Variants in NIPBL observed in about 807,000 individuals in gnomAD.
The protein encoded by NIPBL is nipped-B-like protein.
In NIPBL, 19 loss-of-function variants were observed where a neutral mutation model predicts 321.8. The ratio of observed to expected loss-of-function variants is 0.06; its 90% confidence interval spans 0.04 to 0.09. The LOEUF is 0.09. Ranked by LOEUF, NIPBL falls within the 10% of genes least tolerant of loss-of-function variation. NIPBL has a pLI of 1.00. For missense variants in NIPBL, 2,210 were observed against 3,327.0 expected, an observed-to-expected ratio of 0.66 and a Z score of 8.26; for synonymous variants, 1,106 against 1,114.1, an observed-to-expected ratio of 0.99 and a Z score of 0.14.
At chr5:36,973,694 C>T (rs190741687) in intron 8 of NIPBL, among the ~76,000 whole-genome samples, 92 of 152,300 alleles carry the variant, frequency 6.0e-4, no homozygotes, top group Admixed American at 1.1e-3. Flanking sequence ...TGGTCTCGAA[C>T]TCCTGACCTC....
At chr5:37,037,050 T>A (rs1443935874) in intron 33 of NIPBL, among the ~76,000 whole-genome samples, 2 of 151,958 alleles carry the variant, frequency 1.3e-5, no homozygotes, top group African/African-American at 4.8e-5. Flanking sequence ...CAATCACAAA[T>A]CTGAAGTTTT....
rs770426138 is a variant in NIPBL at position 36,976,420 on chromosome 5, T to G, written c.1495+18T>G. On this transcript the variant is annotated intron_variant, in intron 9 of 46. Transcript: ENST00000282516. The stretch of plus-strand genomic sequence containing the variant: ...AGATAAAGGTAAAATAATCTCATTA[T>G]TACCACTTCATCATCTGGGCAAATA... 17 of 1,600,722 alleles carry G rather than the reference T, an allele frequency of 1.1e-5. No homozygotes were observed. The highest frequency in any genetic ancestry group is 1.3e-5 in the Non-Finnish European group (15 of 1,179,470).
intron 1 of NIPBL, among the ~76,000 whole-genome samples, chr5:36,914,738 C>A (rs964175186): frequency 6.6e-6 from 1 of 152,104 alleles, no homozygotes; most frequent in Non-Finnish European, 1.5e-5. Context: ...CAGTGGCTTT[C>A]CTCTTATATA....
chr5:36,897,436 T>C (rs1461202928), intron 1 of NIPBL, among the ~76,000 whole-genome samples: 3 of 152,138 alleles, frequency 2.0e-5, no homozygotes, highest in African/African-American at 7.2e-5. Flanking sequence ...TGCTCTTCTT[T>C]CTAGGGACAG....
intron 27 of NIPBL, 97 bp downstream of exon 27, chr5:37,020,974 T>C (rs1749559778): frequency 8.9e-6 from 8 of 894,386 alleles, no homozygotes; most frequent in Non-Finnish European, 1.5e-5. Flanking sequence ...TGAGTACAGA[T>C]ACTTAAAAGA....
chr5:36,930,094 C>CT (rs1202514239), intron 1 of NIPBL, among the ~76,000 whole-genome samples: 2 of 151,836 alleles, frequency 1.3e-5, no homozygotes, highest in Non-Finnish European at 2.9e-5. Flanking sequence ...TTAGGATCAG[C>CT]TTATTTCTAT....
chr5:36,894,542 G>GT (rs1449969667), intron 1 of NIPBL, among the ~76,000 whole-genome samples: 1 of 152,030 alleles, frequency 6.6e-6, no homozygotes. Context: ...TTGATAACTT[G>GT]TTTTGTATTT....
At chr5:36,908,352 T>G (rs1747800215) in intron 1 of NIPBL, among the ~76,000 whole-genome samples, 1 of 152,346 alleles carries the variant, frequency 6.6e-6, no homozygotes, top group East Asian at 1.9e-4. Flanking sequence ...TAAACCACAT[T>G]TTGCATATTA....
At chr5:36,993,983 T>A (rs577271487) in intron 10 of NIPBL, among the ~76,000 whole-genome samples, 28 of 152,232 alleles carry the variant, frequency 1.8e-4, no homozygotes, top group African/African-American at 6.7e-4. Flanking sequence ...AAAACATGAT[T>A]TTCCATCAAA....
Position 36,877,151 on chromosome 5 carries a change from C to T in NIPBL, c.-107C>T, listed in dbSNP as rs902219347. The T allele has an allele frequency of 9.7e-6, 3 of 308,486 alleles. No homozygotes were observed. The highest frequency in any genetic ancestry group is 1.8e-5 in the Non-Finnish European group (3 of 169,728). 19.1% of individuals were successfully genotyped at this position (308,486 alleles called of 1,614,324 possible). On this transcript the variant is annotated 5_prime_UTR_variant, in exon 1 of 47. Coordinates refer to ENST00000282516, the MANE Select transcript of NIPBL (RefSeq NM_133433.4). ...TCTCGCCACAGCGGCCTCGGCCTCC[C>T]CTTGGATTCAGACGCCGATTCGCCC...
At chr5:36,891,178 C>T (rs987190242) in intron 1 of NIPBL, among the ~76,000 whole-genome samples, 3 of 151,938 alleles carry the variant, frequency 2.0e-5, no homozygotes, top group East Asian at 3.9e-4. Flanking sequence ...GGCAGGAGAA[C>T]GGCATGAACC....
intron 43 of NIPBL, among the ~76,000 whole-genome samples, chr5:37,058,418 A>T (rs1439556102): frequency 6.6e-6 from 1 of 152,218 alleles, no homozygotes. Context: ...TAACATTTTC[A>T]TAAAGTACAA....
chr5:37,011,619 T>C (rs1748135253), intron 21 of NIPBL, among the ~76,000 whole-genome samples: 1 of 152,202 alleles, frequency 6.6e-6, no homozygotes. Context: ...TCTTTATTTC[T>C]CCCATCCCAA....
rs1380511888 is a variant in NIPBL at position 37,038,761 on chromosome 5, C to T, written c.6108+23C>T. 3.1e-6 allele frequency: 5 copies of T among 1,609,456 alleles called. No individual in the cohort carries two copies. The South Asian group carries it at 3.3e-5, about 11-fold the overall frequency. On this transcript the variant is annotated intron_variant, in intron 34 of 46. Transcript: ENST00000282516. ...AGTGTAAGTATAGAGCTGTCTTATT[C>T]TTGTATCTTACATAAAACATTAAGT...
At chr5:37,022,200 T>C in intron 28 of NIPBL, 44 bp from the exon 29 acceptor site, 1 of 1,613,306 alleles carries the variant, frequency 6.2e-7, no homozygotes, top group Non-Finnish European at 8.5e-7. Context: ...GAATATTCAC[T>C]CTATTTAGGT....
At chr5:36,973,120 T>C (rs1457381711) in intron 8 of NIPBL, among the ~76,000 whole-genome samples, 1 of 152,164 alleles carries the variant, frequency 6.6e-6, no homozygotes, top group African/African-American at 2.4e-5. Context: ...ATTATCAGTT[T>C]GTTGGAAGAG....
intron 1 of NIPBL, among the ~76,000 whole-genome samples, chr5:36,878,518 G>GAAAGTTAACC (rs1306247912): frequency 2.6e-5 from 4 of 152,204 alleles, no homozygotes; most frequent in African/African-American, 9.7e-5. Flanking sequence ...CATATTCGCT[G>GAAAGTTAACC]AAGGAAAACT....
intron 1 of NIPBL, among the ~76,000 whole-genome samples, chr5:36,892,705 A>G (rs571141372): frequency 3.3e-5 from 5 of 151,814 alleles, no homozygotes; most frequent in South Asian, 4.2e-4. Flanking sequence ...ACCAAACACC[A>G]CATGTTCTCA....
intron 10 of NIPBL, among the ~76,000 whole-genome samples, chr5:36,991,371 G>T (rs1745494504): frequency 1.3e-5 from 2 of 152,044 alleles, no homozygotes; most frequent in South Asian, 2.1e-4. Context: ...ATAAAGGAAA[G>T]TACAGTCATT....
Sources: gnomAD v4.1 joint callset for allele counts (sites outside exome capture counted in the v4.1 genomes callset) on GRCh38, gnomAD v4.1.1 for gene constraint, MANE v1.5 for transcripts, NCBI Gene and HGNC (gene_info 2026-07-23, HGNC 2026-07-21) for gene names.